CNTN6: variants seen among roughly 807,000 people sequenced by gnomAD.
The protein encoded by CNTN6 is contactin 6.
A neutral mutation model predicts 122.8 loss-of-function variants in CNTN6; 137 were observed. That is an observed-to-expected ratio of 1.12 (90% CI 0.97 to 1.29). The LOEUF is 1.29. CNTN6 is among the 50% of genes most tolerant of loss of function. CNTN6 has a pLI of 0.00. For missense variants in CNTN6, 1,634 were observed against 1,223.4 expected (o/e 1.34, Z -5.01); for synonymous variants, 570 against 426.0 (o/e 1.34, Z -4.16).
intron 1 of CNTN6, among the ~76,000 whole-genome samples, chr3:1,112,912 C>G (rs180827453): frequency 4.6e-5 from 7 of 152,124 alleles, no homozygotes; most frequent in Non-Finnish European, 4.4e-5. Context: ...AAGAAATTTT[C>G]CAGAAGAGAT....
chr3:1,115,928 T>A (rs1443369046), intron 1 of CNTN6, among the ~76,000 whole-genome samples: 2 of 152,080 alleles, frequency 1.3e-5, no homozygotes, highest in Non-Finnish European at 2.9e-5. Context: ...AGACTGGAAA[T>A]AAAAATAAGT....
intron 4 of CNTN6, among the ~76,000 whole-genome samples, chr3:1,239,166 C>G (rs1284151819): frequency 6.6e-6 from 1 of 152,062 alleles, no homozygotes; most frequent in Non-Finnish European, 1.5e-5. Flanking sequence ...AAGTCCTAGC[C>G]AGAGCATTCA....
intron 12 of CNTN6, among the ~76,000 whole-genome samples, chr3:1,369,509 T>A (rs1297026551): frequency 6.6e-6 from 1 of 151,954 alleles, no homozygotes; most frequent in African/African-American, 2.4e-5. Context: ...AATGTAACCA[T>A]TATAAGTGAT....
At chr3:1,110,544 C>A (rs1474678000) in intron 1 of CNTN6, among the ~76,000 whole-genome samples, 4 of 152,058 alleles carry the variant, frequency 2.6e-5, no homozygotes, top group Non-Finnish European at 5.9e-5. Flanking sequence ...TCAAAGCTGG[C>A]AAATTTGGGG....
chr3:1,267,329 A>C (rs1446419679), intron 4 of CNTN6, among the ~76,000 whole-genome samples: 1 of 152,132 alleles, frequency 6.6e-6, no homozygotes, highest in African/African-American at 2.4e-5. Flanking sequence ...CCTATTCAAT[A>C]AAAGGCCTCC....
rs1553646530 is a variant in CNTN6, at chr3:1,265,049, T to TTTTTTTTTTC, written c.359-13355_359-13354insCTTTTTTTTT. Among the ~76,000 whole-genome samples the TTTTTTTTTTC allele has an allele frequency of 1.6e-3, 244 of 150,032 alleles. 1 individual carries two copies. Among genetic ancestry groups the TTTTTTTTTTC allele is most frequent in the African/African-American group, 5.7e-3 (232 of 40,830 alleles). On this transcript the variant is annotated intron_variant, in intron 4 of 22. Transcript: ENST00000446702. ...GCCACAAATGACCGAATTTCCTTTT[T>TTTTTTTTTTC]TTTTTTTTTTTTTTGGCTGGATAGG...
intron 4 of CNTN6, among the ~76,000 whole-genome samples, chr3:1,255,020 G>A (rs748681948): frequency 6.6e-6 from 1 of 152,058 alleles, no homozygotes; most frequent in Non-Finnish European, 1.5e-5. Flanking sequence ...CCAGGCTGGG[G>A]CAACTGCAGT....
At chr3:1,159,082 T>C (rs2093061840) in intron 2 of CNTN6, among the ~76,000 whole-genome samples, 1 of 151,248 alleles carries the variant, frequency 6.6e-6, no homozygotes, top group Non-Finnish European at 1.5e-5. Flanking sequence ...AGTTAACCTT[T>C]AAAATCTGAA....
intron 1 of CNTN6, among the ~76,000 whole-genome samples, chr3:1,141,482 A>G (rs1410270326): frequency 6.6e-6 from 1 of 152,198 alleles, no homozygotes; most frequent in Non-Finnish European, 1.5e-5. Context: ...ATTTCAAAGT[A>G]ATATTCCTCC....
At chr3:1,101,367 C>G (rs955596983) in intron 1 of CNTN6, among the ~76,000 whole-genome samples, 1 of 152,166 alleles carries the variant, frequency 6.6e-6, no homozygotes, top group Non-Finnish European at 1.5e-5. Flanking sequence ...CATTTAACCT[C>G]GGCTATGTGT....
intron 1 of CNTN6, among the ~76,000 whole-genome samples, chr3:1,100,624 T>C (rs1222412646): frequency 6.6e-6 from 1 of 152,162 alleles, no homozygotes; most frequent in Non-Finnish European, 1.5e-5. Flanking sequence ...GGAATGCTCA[T>C]TCATTATTTC....
At chr3:1,173,919 T>C (rs762836553) in intron 2 of CNTN6, among the ~76,000 whole-genome samples, 3 of 152,228 alleles carry the variant, frequency 2.0e-5, no homozygotes, top group Non-Finnish European at 2.9e-5. Context: ...GTTGGAATTA[T>C]GAATTTTAAA....
intron 1 of CNTN6, among the ~76,000 whole-genome samples, chr3:1,135,934 G>A (rs934650076): frequency 2.0e-5 from 3 of 152,138 alleles, no homozygotes; most frequent in East Asian, 1.9e-4. Flanking sequence ...GGAGGTTGCC[G>A]TGAGCCGAGA....
intron 4 of CNTN6, among the ~76,000 whole-genome samples, chr3:1,236,538 A>G (rs1386464461): frequency 2.0e-5 from 3 of 152,202 alleles, no homozygotes; most frequent in African/African-American, 7.2e-5. Flanking sequence ...GCGGGAGAAC[A>G]CCGAAACAAG....
At chr3:1,197,941 A>T (rs1559495726) in intron 2 of CNTN6, among the ~76,000 whole-genome samples, 1 of 152,156 alleles carries the variant, frequency 6.6e-6, no homozygotes, top group African/African-American at 2.4e-5. Context: ...CGTTTCCAAT[A>T]CTTCACATTA....
At chr3:1,327,333 G>A in intron 9 of CNTN6, 124 bp from the exon 10 acceptor site, 2 of 1,025,078 alleles carry the variant, frequency 2.0e-6, no homozygotes, top group Non-Finnish European at 2.8e-6. Flanking sequence ...GAATCTAGTA[G>A]TGTATTAATA....
At chr3:1,255,441 G>GTAAT (rs2094740265) in intron 4 of CNTN6, among the ~76,000 whole-genome samples, 1 of 151,156 alleles carries the variant, frequency 6.6e-6, no homozygotes, top group African/African-American at 2.4e-5. Flanking sequence ...AAGAAAGAAA[G>GTAAT]AAAGAAAGGA....
chr3:1,102,907 A>G (rs6787568), intron 1 of CNTN6, among the ~76,000 whole-genome samples: 11,257 of 150,650 alleles, frequency 0.075, 1,483 homozygotes, highest in African/African-American at 0.26. Context: ...GGAGATCGAG[A>G]CCATCCTGGC....
chr3:1,211,395 A>G (rs1417525338), intron 2 of CNTN6, among the ~76,000 whole-genome samples: 2 of 152,140 alleles, frequency 1.3e-5, no homozygotes. Context: ...ATTTCCTCTA[A>G]AAGCCCAGGT....
Sources: gnomAD v4.1 joint callset for allele counts (sites outside exome capture counted in the v4.1 genomes callset) on GRCh38, gnomAD v4.1.1 for gene constraint, MANE v1.5 for transcripts, NCBI Gene and HGNC (gene_info 2026-07-23, HGNC 2026-07-21) for gene names.